INSL6: variants seen among roughly 807,000 people sequenced by gnomAD.
INSL6 encodes the protein insulin like 6, also known as insulin-like peptide INSL6.
INSL6 carries 16 observed loss-of-function variants against 9.4 expected under a neutral mutation model. The ratio of observed to expected loss-of-function variants is 1.70; its 90% confidence interval spans 1.15 to 2.59. The LOEUF (loss-of-function observed/expected upper bound fraction) is 2.59. Among genes scored for constraint, INSL6 ranks in the 30% most tolerant of loss-of-function variants. The pLI, the probability that INSL6 is intolerant of heterozygous loss-of-function variation, is 0.00. For missense variants in INSL6, 391 were observed against 257.3 expected, an observed-to-expected ratio of 1.52 and a Z score of -3.56; for synonymous variants, 154 against 96.9, an observed-to-expected ratio of 1.59 and a Z score of -3.46.
intron 1 of INSL6, among the ~76,000 whole-genome samples, chr9:5,166,148 T>C (rs1386187160): frequency 6.6e-6 from 1 of 152,178 alleles, no homozygotes; most frequent in Non-Finnish European, 1.5e-5. Flanking sequence ...GCTAAAGTCA[T>C]AAAGGAACAT....
chr9:5,015,688 A>G, the INSL6 span, among the ~76,000 whole-genome samples: 1 of 152,164 alleles, frequency 6.6e-6, no homozygotes, highest in South Asian at 2.1e-4. Context: ...AGGAAAAGAA[A>G]AAAGCCAATT....
the INSL6 span, among the ~76,000 whole-genome samples, chr9:5,080,959 G>A: frequency 3.6e-5 from 5 of 137,598 alleles, no homozygotes; most frequent in Admixed American, 2.3e-4. Context: ...GCAGTGGCGC[G>A]ATCTCGGCTC....
chr9:5,119,856 T>C (rs139809449), downstream of INSL6, among the ~76,000 whole-genome samples: 695 of 152,320 alleles, frequency 4.6e-3, 9 homozygotes, highest in African/African-American at 0.016. Flanking sequence ...ATAGTTTTAT[T>C]TTTATATTTG....
chr9:5,123,143 T>C, downstream of INSL6: 1 of 1,479,672 alleles, frequency 6.8e-7, no homozygotes, highest in Non-Finnish European at 9.3e-7. Flanking sequence ...TTTTATTTAC[T>C]TTCAGTTTTT....
chr9:5,097,205 C>G, the INSL6 span: 5 of 152,276 alleles, frequency 3.3e-5, no homozygotes, highest in South Asian at 6.2e-4. Context: ...ATCAAACACC[C>G]CTTTTCGTCC....
the INSL6 span, among the ~76,000 whole-genome samples, chr9:5,034,288 A>G: frequency 6.6e-6 from 1 of 152,182 alleles, no homozygotes; most frequent in Non-Finnish European, 1.5e-5. Flanking sequence ...ACACAATAAT[A>G]ATGGGAGACT....
chr9:5,082,464 C>T, the INSL6 span, among the ~76,000 whole-genome samples: 1 of 152,252 alleles, frequency 6.6e-6, no homozygotes, highest in Non-Finnish European at 1.5e-5. Context: ...GGCAGTTTTT[C>T]TCCTATCTCA....
intron 1 of INSL6, among the ~76,000 whole-genome samples, chr9:5,175,034 G>A (rs1312683973): frequency 2.0e-5 from 3 of 151,786 alleles, no homozygotes; most frequent in Non-Finnish European, 2.9e-5. Flanking sequence ...CTGCCTCCCG[G>A]GTTCACACCA....
chr9:5,109,146 G>T, the INSL6 span: 1 of 151,940 alleles, frequency 6.6e-6, no homozygotes, highest in Admixed American at 6.6e-5. Context: ...CTCCCTACAT[G>T]TACCAATCAC....
At chr9:5,032,614 C>T in the INSL6 span, among the ~76,000 whole-genome samples, 2 of 152,274 alleles carry the variant, frequency 1.3e-5, no homozygotes, top group African/African-American at 4.8e-5. Flanking sequence ...GCAGCCACTG[C>T]TGCTGGTACC....
At chr9:5,010,708 T>G in the INSL6 span, among the ~76,000 whole-genome samples, 71 of 152,376 alleles carry the variant, frequency 4.7e-4, no homozygotes, top group African/African-American at 1.6e-3. Context: ...TCTTCATTCC[T>G]TTCTGTAAAC....
chr9:5,146,010 G>C (rs1373799985), intron 2 of INSL6, among the ~76,000 whole-genome samples: 2 of 152,146 alleles, frequency 1.3e-5, no homozygotes, highest in Non-Finnish European at 2.9e-5. Context: ...TGGTCATTTG[G>C]AGGAAAGAAG....
In INSL6 at chr9:5,181,424, G is replaced by C. The variant is rs138834563; in HGVS notation, c.289+3890C>G. On this transcript the variant is annotated intron_variant, in intron 1 of 1. Transcript: ENST00000381641. ...GAGAAAAATAATTGATTAGTAGAAA[G>C]TGTTCAGAAAACTAGCTCCCTATGT... Among the ~76,000 whole-genome samples the C allele has an allele frequency of 8.8e-3, 1,345 of 152,148 alleles. 19 individuals are homozygous for C. Among genetic ancestry groups the C allele is most frequent in the African/African-American group, 0.029 (1,219 of 41,498 alleles).
downstream of INSL6, among the ~76,000 whole-genome samples, chr9:5,119,172 T>C (rs769824831): frequency 2.9e-4 from 44 of 152,188 alleles, no homozygotes; most frequent in Non-Finnish European, 5.3e-4. Context: ...CATTTGGTAA[T>C]GCCAGGCATC....
chr9:4,993,068 G>A, the INSL6 span, among the ~76,000 whole-genome samples: 880 of 152,206 alleles, frequency 5.8e-3, 9 homozygotes, highest in African/African-American at 0.02. Context: ...CTTTTATATA[G>A]CAACTGTCCC....
At chr9:5,069,939 C>T in the INSL6 span, 2 of 1,598,796 alleles carry the variant, frequency 1.3e-6, no homozygotes, top group East Asian at 4.5e-5. Context: ...ATCAAACCTT[C>T]TAGTCTTCAG....
At chr9:5,038,133 A>G in the INSL6 span, among the ~76,000 whole-genome samples, 3 of 152,198 alleles carry the variant, frequency 2.0e-5, no homozygotes, top group Admixed American at 6.5e-5. Context: ...ATATTTCTTC[A>G]TGTACATTAA....
At chr9:5,020,840 G>A in the INSL6 span, among the ~76,000 whole-genome samples, 4 of 152,134 alleles carry the variant, frequency 2.6e-5, no homozygotes, top group Non-Finnish European at 5.9e-5. Flanking sequence ...GGCTCTAGGG[G>A]TGTGGATATG....
the INSL6 span, among the ~76,000 whole-genome samples, chr9:5,040,607 C>T: frequency 1.3e-5 from 2 of 152,248 alleles, no homozygotes; most frequent in African/African-American, 2.4e-5. Context: ...AGAATTCTTA[C>T]AGCTCAACAA....
Sources: gnomAD v4.1 joint callset for allele counts (sites outside exome capture counted in the v4.1 genomes callset) on GRCh38, gnomAD v4.1.1 for gene constraint, MANE v1.5 for transcripts, NCBI Gene and HGNC (gene_info 2026-07-23, HGNC 2026-07-21) for gene names.